The following BTBD16 variants were observed in gnomAD, a reference collection of about 807,000 sequenced individuals.
The protein encoded by BTBD16 is BTB domain containing 16.
A neutral mutation model predicts 67.4 loss-of-function variants in BTBD16; 66 were observed. That is an observed-to-expected ratio of 0.98 (90% CI 0.80 to 1.20). BTBD16 has a LOEUF of 1.20. BTBD16 is among the 50% of genes most tolerant of loss of function. The pLI is 0.00. For missense variants in BTBD16, 634 were observed against 616.0 expected, an observed-to-expected ratio of 1.03 and a Z score of -0.31; for synonymous variants, 242 against 236.4, an observed-to-expected ratio of 1.02 and a Z score of -0.22.
At chr10:122,295,319 G>C (rs757828564) in intron 7 of BTBD16, 1 of 985,412 alleles carries the variant, frequency 1.0e-6, no homozygotes, top group Non-Finnish European at 1.2e-6. Context: ...GGAGAAAGAG[G>C]GGACAGGGTG....
At chr10:122,277,907 T>C (rs2096344353) in intron 3 of BTBD16, among the ~76,000 whole-genome samples, 1 of 152,200 alleles carries the variant, frequency 6.6e-6, no homozygotes, top group African/African-American at 2.4e-5. Flanking sequence ...GGACCTGGCT[T>C]GATGCCGTTA....
intron 9 of BTBD16, among the ~76,000 whole-genome samples, chr10:122,300,483 T>C (rs2096391939): frequency 6.6e-6 from 1 of 152,186 alleles, no homozygotes. Flanking sequence ...ACATATACAC[T>C]TGTTTTTTCT....
At chr10:122,322,136 C>G (rs949834319) in intron 10 of BTBD16, among the ~76,000 whole-genome samples, 4 of 152,070 alleles carry the variant, frequency 2.6e-5, no homozygotes, top group African/African-American at 9.7e-5. Flanking sequence ...TTAAAAAACA[C>G]CTTTTGACTT....
At chr10:122,298,256 G>A (rs2096387243) in intron 8 of BTBD16, among the ~76,000 whole-genome samples, 1 of 152,136 alleles carries the variant, frequency 6.6e-6, no homozygotes, top group Non-Finnish European at 1.5e-5. Flanking sequence ...GCCTGCCCAG[G>A]GGAACCAGCT....
intron 10 of BTBD16, among the ~76,000 whole-genome samples, chr10:122,320,892 T>C (rs1203849808): frequency 1.3e-5 from 2 of 152,330 alleles, no homozygotes; most frequent in South Asian, 4.1e-4. Context: ...GGGGTACATG[T>C]ACAGGTCTGT....
intron 3 of BTBD16, among the ~76,000 whole-genome samples, chr10:122,277,458 A>C (rs551038802): frequency 6.6e-6 from 1 of 152,332 alleles, no homozygotes; most frequent in East Asian, 1.9e-4. Flanking sequence ...GCTATAAGGA[A>C]ATACCTAAGG....
intron 10 of BTBD16, among the ~76,000 whole-genome samples, chr10:122,324,705 T>C (rs1370180498): frequency 6.6e-6 from 1 of 152,240 alleles, no homozygotes; most frequent in Admixed American, 6.5e-5. Context: ...TGTCTTCTCT[T>C]GCTCTGAGAG....
chr10:122,331,035 T>C, intron 11 of BTBD16, 141 bp from the exon 12 acceptor site: 2 of 1,069,242 alleles, frequency 1.9e-6, no homozygotes, highest in Non-Finnish European at 2.6e-6. Context: ...TTCCACTTTG[T>C]CAATCAAACC....
rs780049084 is a variant in BTBD16, at chr10:122,331,158, C to T, written c.1004-18C>T. The T allele has an allele frequency of 1.9e-6, 3 of 1,605,792 alleles. No individual in the cohort carries two copies. In the South Asian group the frequency reaches 3.4e-5, roughly 18 times the overall value. Reference sequence around the variant, plus strand: ...TGTGAATAAAACTAAAAAACATTCTCTTTGCGTTTCTTCCCAGGCAAGGAT... The same window carrying T: ...TGTGAATAAAACTAAAAAACATTCTTTTTGCGTTTCTTCCCAGGCAAGGAT... On this transcript the variant is annotated intron_variant, in intron 11 of 15. Transcript: ENST00000260723.
chr10:122,285,284 C>T (rs1425748834), intron 4 of BTBD16, among the ~76,000 whole-genome samples: 1 of 152,192 alleles, frequency 6.6e-6, no homozygotes, highest in Non-Finnish European at 1.5e-5. Flanking sequence ...TTGAGCCTCA[C>T]CTGGCCTGGC....
intron 10 of BTBD16, among the ~76,000 whole-genome samples, chr10:122,310,883 G>C (rs890928849): frequency 2.6e-5 from 4 of 152,154 alleles, no homozygotes; most frequent in African/African-American, 9.7e-5. Flanking sequence ...CAGGAAAGAA[G>C]CTGAGCAGCA....
chr10:122,300,204 C>G (rs1273508856), intron 9 of BTBD16, among the ~76,000 whole-genome samples: 1 of 152,130 alleles, frequency 6.6e-6, no homozygotes, highest in African/African-American at 2.4e-5. Flanking sequence ...GTCAAAAGAA[C>G]TTTCTATTTT....
At chr10:122,311,399 A>T (rs7893566) in intron 10 of BTBD16, among the ~76,000 whole-genome samples, 1 of 151,752 alleles carries the variant, frequency 6.6e-6, no homozygotes, top group Non-Finnish European at 1.5e-5. Context: ...TACACACACC[A>T]CTCTACACTC....
At chr10:122,319,775 A>G (rs1326536941) in intron 10 of BTBD16, among the ~76,000 whole-genome samples, 1 of 152,132 alleles carries the variant, frequency 6.6e-6, no homozygotes. Context: ...GAATTTTGAT[A>G]AGGATTGTCT....
At chr10:122,303,322 A>C (rs1590070644) in intron 9 of BTBD16, among the ~76,000 whole-genome samples, 1 of 152,262 alleles carries the variant, frequency 6.6e-6, no homozygotes, top group East Asian at 1.9e-4. Flanking sequence ...ATTGCTTTAA[A>C]AGATTTAAAC....
At chr10:122,287,522 T>C in intron 5 of BTBD16, 4 of 978,154 alleles carry the variant, frequency 4.1e-6, no homozygotes, top group Non-Finnish European at 4.9e-6. Flanking sequence ...CCCAGTGCCC[T>C]GGACTGTCAC....
chr10:122,295,124 A>T (rs553236524), intron 7 of BTBD16, among the ~76,000 whole-genome samples: 2 of 152,312 alleles, frequency 1.3e-5, no homozygotes, highest in Admixed American at 1.3e-4. Context: ...ATGGATTTGT[A>T]TGGGGAGCGC....
intron 15 of BTBD16, among the ~76,000 whole-genome samples, chr10:122,337,558 G>A (rs945119998): frequency 6.6e-6 from 1 of 152,088 alleles, no homozygotes; most frequent in Admixed American, 6.6e-5. Flanking sequence ...TCCACCTCCC[G>A]GGTTCACGCC....
At chr10:122,310,299 G>A (rs1309977940) in intron 10 of BTBD16, among the ~76,000 whole-genome samples, 2 of 152,194 alleles carry the variant, frequency 1.3e-5, no homozygotes, top group African/African-American at 4.8e-5. Context: ...GTCTATCCTG[G>A]CTGCAGGAGC....
Sources: allele counts gnomAD v4.1 joint callset (sites outside exome capture counted in the v4.1 genomes callset), GRCh38; gene constraint gnomAD v4.1.1; transcripts MANE v1.5; gene names NCBI Gene and HGNC (gene_info 2026-07-23, HGNC 2026-07-21).